Variants in EPHA5 observed in about 807,000 individuals in gnomAD.
The protein encoded by EPHA5 is ephrin type-A receptor 5.
EPHA5 carries 60 observed loss-of-function variants against 105.0 expected under a neutral mutation model. That is an observed-to-expected ratio of 0.57 (90% CI 0.46 to 0.71). The LOEUF (loss-of-function observed/expected upper bound fraction) is 0.71, where lower values mean the gene tolerates loss of function less well. Ranked by LOEUF, EPHA5 falls within the 30% of genes least tolerant of loss-of-function variation. The pLI, the probability that EPHA5 is intolerant of heterozygous loss-of-function variation, is 0.00. For missense variants in EPHA5, 1,218 were observed against 1,274.7 expected (o/e 0.96, Z 0.68); for synonymous variants, 513 against 449.1 (o/e 1.14, Z -1.80).
rs182355413 is a variant in EPHA5, at chr4:65,621,947, A to C, written c.247-19643T>G. The stretch of plus-strand genomic sequence containing the variant: ...ATTCGTCATGAACATTAAGATCAGC[A>C]CTCTGAGTTCAAAGGAAAGGCTACA... On this transcript the variant is annotated intron_variant, in intron 2 of 16. Coordinates refer to ENST00000613740, the MANE Select transcript of EPHA5 (RefSeq NM_001281766.3). 5.3e-5 allele frequency among the ~76,000 whole-genome samples: 8 copies of C among 152,236 alleles called. No individual in the cohort carries two copies. The East Asian group carries it at 1.5e-3, about 29-fold the overall frequency.
chr4:65,436,577 AT>A, intron 5 of EPHA5, among the ~76,000 whole-genome samples: 1 of 152,142 alleles, frequency 6.6e-6, no homozygotes, highest in East Asian at 1.9e-4. Context: ...CCACATGCAC[AT>A]GAAAAGTTCA....
chr4:65,332,618 T>TGGTGGGAAGGGGGGGGGG (rs1720741287), intron 15 of EPHA5, among the ~76,000 whole-genome samples: 1 of 88,726 alleles, frequency 1.1e-5, no homozygotes, highest in African/African-American at 4.1e-5. Context: ...AATGGGGTGG[T>TGGTGGGAAGGGGGGGGGG]GGGGGGTGGG....
At chr4:65,614,372 C>G (rs1252771290) in intron 2 of EPHA5, among the ~76,000 whole-genome samples, 1 of 151,722 alleles carries the variant, frequency 6.6e-6, no homozygotes, top group East Asian at 1.9e-4. Context: ...AGTAAAGAAA[C>G]AGAATGTTTT....
intron 13 of EPHA5, among the ~76,000 whole-genome samples, chr4:65,350,243 G>A (rs1722688701): frequency 6.6e-6 from 1 of 152,016 alleles, no homozygotes; most frequent in Non-Finnish European, 1.5e-5. Context: ...GTCTGGAAGA[G>A]GAAGGATATC....
chr4:65,609,397 T>A (rs1560768790), intron 2 of EPHA5, among the ~76,000 whole-genome samples: 1 of 152,196 alleles, frequency 6.6e-6, no homozygotes, highest in Admixed American at 6.5e-5. Flanking sequence ...CTCTATTAAT[T>A]TTCTGTGTAT....
intron 5 of EPHA5, among the ~76,000 whole-genome samples, chr4:65,470,423 C>T (rs1436161133): frequency 6.6e-6 from 1 of 152,090 alleles, no homozygotes; most frequent in Non-Finnish European, 1.5e-5. Context: ...AACTCCTGGC[C>T]TCAAGTGATC....
intron 2 of EPHA5, among the ~76,000 whole-genome samples, chr4:65,607,374 C>T (rs1281263389): frequency 6.6e-6 from 1 of 151,978 alleles, no homozygotes; most frequent in African/African-American, 2.4e-5. Context: ...AAACTATCAT[C>T]GGAGTGAACA....
At chr4:65,432,265 G>C (rs935667551) in intron 5 of EPHA5, among the ~76,000 whole-genome samples, 5 of 152,092 alleles carry the variant, frequency 3.3e-5, no homozygotes, top group Admixed American at 3.3e-4. Context: ...ATTTTAATTT[G>C]CTTTTTGAAG....
At chr4:65,523,548 C>T (rs1019261055) in intron 3 of EPHA5, among the ~76,000 whole-genome samples, 4 of 151,982 alleles carry the variant, frequency 2.6e-5, no homozygotes, top group African/African-American at 7.2e-5. Context: ...TGATGAAAAA[C>T]TTTTTATAAC....
chr4:65,388,999 T>C (rs748832909), intron 8 of EPHA5, among the ~76,000 whole-genome samples: 21 of 152,202 alleles, frequency 1.4e-4, no homozygotes, highest in Non-Finnish European at 3.1e-4. Context: ...CATGTAAATA[T>C]TGAATTCATG....
At chr4:65,394,944 C>T (rs540048703) in intron 8 of EPHA5, among the ~76,000 whole-genome samples, 2 of 152,220 alleles carry the variant, frequency 1.3e-5, no homozygotes, top group East Asian at 1.9e-4. Context: ...TCACAAAGTA[C>T]TCATTCAAGA....
chr4:65,665,107 G>A (rs777667436), intron 1 of EPHA5, among the ~76,000 whole-genome samples: 55 of 151,694 alleles, frequency 3.6e-4, no homozygotes, highest in Non-Finnish European at 3.8e-4. Flanking sequence ...GTATGAACAC[G>A]ATATTTTTCT....
At chr4:65,368,227 C>A (rs1718112656) in intron 8 of EPHA5, among the ~76,000 whole-genome samples, 1 of 152,016 alleles carries the variant, frequency 6.6e-6, no homozygotes, top group Non-Finnish European at 1.5e-5. Flanking sequence ...CTGGTTCTCT[C>A]CTCTCAATCC....
chr4:65,366,079 A>G (rs1337270448), intron 9 of EPHA5, 22 bp from the exon 10 acceptor site: 4 of 1,578,412 alleles, frequency 2.5e-6, no homozygotes, highest in Admixed American at 1.7e-5. Flanking sequence ...AATTGGCATT[A>G]AAACAGAAGT....
intron 2 of EPHA5, among the ~76,000 whole-genome samples, chr4:65,604,005 C>A (rs1248330996): frequency 6.7e-5 from 1 of 14,942 alleles, no homozygotes; most frequent in African/African-American, 1.6e-4. Flanking sequence ...TATCAATTTA[C>A]CATAATAAGA....
At chr4:65,448,153 G>A (rs902339045) in intron 5 of EPHA5, among the ~76,000 whole-genome samples, 1 of 151,450 alleles carries the variant, frequency 6.6e-6, no homozygotes, top group Non-Finnish European at 1.5e-5. Context: ...TGTATAAACT[G>A]TGATTTACAC....
At chr4:65,365,561 C>G (rs1295923647) in intron 10 of EPHA5, among the ~76,000 whole-genome samples, 1 of 145,736 alleles carries the variant, frequency 6.9e-6, no homozygotes, top group Non-Finnish European at 1.5e-5. Context: ...AGAGAAAAGC[C>G]AACCAGGTTA....
intron 5 of EPHA5, among the ~76,000 whole-genome samples, chr4:65,487,600 A>T (rs991466454): frequency 6.6e-6 from 1 of 152,090 alleles, no homozygotes; most frequent in Non-Finnish European, 1.5e-5. Context: ...CATACAGAAC[A>T]CTTAAACTGG....
chr4:65,486,242 A>C (rs1388360970), intron 5 of EPHA5, among the ~76,000 whole-genome samples: 2 of 151,924 alleles, frequency 1.3e-5, no homozygotes, highest in Non-Finnish European at 2.9e-5. Flanking sequence ...TTGTTCTTTG[A>C]GATCATTCAT....
Sources: allele counts gnomAD v4.1 joint callset (sites outside exome capture counted in the v4.1 genomes callset), GRCh38; gene constraint gnomAD v4.1.1; transcripts MANE v1.5; gene names NCBI Gene and HGNC (gene_info 2026-07-23, HGNC 2026-07-21).